Variants in SLC6A17 observed in about 807,000 individuals in gnomAD.
SLC6A17 encodes the protein sodium-dependent neutral amino acid transporter SLC6A17.
In SLC6A17, 21 loss-of-function variants were observed where a neutral mutation model predicts 64.5. The observed-to-expected ratio is 0.33, with a 90% CI of 0.23 to 0.47. The LOEUF is 0.47. Ranked by LOEUF, SLC6A17 falls within the 20% of genes least tolerant of loss-of-function variation. SLC6A17 has a pLI of 1.00. For synonymous variants in SLC6A17, 372 were observed against 399.5 expected (o/e 0.93, Z 0.82); for missense variants, 682 against 963.2 (o/e 0.71, Z 3.86).
In SLC6A17 at chr1:110,166,831, C is replaced by T. The variant is rs748010481; in HGVS notation, c.-87-12C>T. ...GGTCAGATAATCCTTTACTGCTCAC[C>T]TGGTTTCCTAGGTCCCTGAATGAGA... On this transcript the variant is annotated splice_polypyrimidine_tract_variant and intron_variant, in intron 1 of 11. Coordinates refer to ENST00000331565, the MANE Select transcript of SLC6A17 (RefSeq NM_001010898.4). The T allele has an allele frequency of 2.1e-6, 3 of 1,446,774 alleles. No homozygotes were observed. The highest frequency in any genetic ancestry group is 2.8e-6 in the Non-Finnish European group (3 of 1,087,970). The allele number at this position is 1,446,774 out of a possible 1,614,324, so 89.6% of individuals were successfully genotyped here. A position where few individuals can be genotyped will look rare whatever the true frequency, so the allele number is the denominator to read the frequency against.
At chr1:110,173,158 A>G (rs1373283925) in intron 3 of SLC6A17, among the ~76,000 whole-genome samples, 2 of 152,244 alleles carry the variant, frequency 1.3e-5, no homozygotes, top group Non-Finnish European at 2.9e-5. Flanking sequence ...CCCAAGTAAA[A>G]GAAGTGGGTG....
Position 110,162,575 on chromosome 1 carries a change from C to T in SLC6A17, c.-87-4268C>T, listed in dbSNP as rs145665984. Among the ~76,000 whole-genome samples, 139 of 152,246 alleles carry T rather than the reference C, an allele frequency of 9.1e-4. 1 individual carries two copies. The highest frequency in any genetic ancestry group is 1.5e-3 in the Non-Finnish European group (102 of 68,020). ...CATGGGTACGGGAAGAGAGGAATCG[C>T]CCCTCTCAGGGTCCTTCTCTGATCC... is the stretch of plus-strand genomic sequence containing the variant. On this transcript the variant is annotated intron_variant, in intron 1 of 11. Transcript: ENST00000331565.
intron 1 of SLC6A17, among the ~76,000 whole-genome samples, chr1:110,153,540 T>TGTGTGTGTGTGC (rs1189989104): frequency 9.9e-5 from 15 of 151,860 alleles, no homozygotes; most frequent in Admixed American, 9.2e-4. Context: ...TGTGTGTGTG[T>TGTGTGTGTGTGC]GTGTGTGTGT....
At chr1:110,163,320 C>T (rs1655967533) in intron 1 of SLC6A17, among the ~76,000 whole-genome samples, 1 of 152,110 alleles carries the variant, frequency 6.6e-6, no homozygotes, top group African/African-American at 2.4e-5. Flanking sequence ...CACCTCCACT[C>T]CCATGGTCAG....
At chr1:110,187,129 C>A (rs1455865266) in intron 6 of SLC6A17, among the ~76,000 whole-genome samples, 1 of 151,308 alleles carries the variant, frequency 6.6e-6, no homozygotes, top group Non-Finnish European at 1.5e-5. Flanking sequence ...TAAAAAAAAA[C>A]AAAAACAAAA....
intron 6 of SLC6A17, 68 bp downstream of exon 6, chr1:110,176,807 CA>C: frequency 7.3e-7 from 1 of 1,369,866 alleles, no homozygotes; most frequent in Non-Finnish European, 1.0e-6. Context: ...CAGCTTCCTG[CA>C]ATTTCATGGA....
intron 1 of SLC6A17, among the ~76,000 whole-genome samples, chr1:110,160,900 C>CA (rs111240191): frequency 0.026 from 3,929 of 152,226 alleles, 173 homozygotes; most frequent in African/African-American, 0.088. Flanking sequence ...TGTAGGATGC[C>CA]AGCGGGGAAA....
intron 1 of SLC6A17, among the ~76,000 whole-genome samples, chr1:110,152,580 A>G (rs962335617): frequency 6.6e-6 from 1 of 152,160 alleles, no homozygotes; most frequent in Non-Finnish European, 1.5e-5. Context: ...CTCCTTGGGA[A>G]GGTGAGCAGG....
At chr1:110,190,274 T>A (rs1248125472) in intron 6 of SLC6A17, among the ~76,000 whole-genome samples, 2 of 152,212 alleles carry the variant, frequency 1.3e-5, no homozygotes, top group Non-Finnish European at 2.9e-5. Flanking sequence ...TATTTTGTGC[T>A]GGATGGGGGA....
At chr1:110,170,960 T>C (rs1656208639) in intron 2 of SLC6A17, among the ~76,000 whole-genome samples, 1 of 152,188 alleles carries the variant, frequency 6.6e-6, no homozygotes, top group Non-Finnish European at 1.5e-5. Flanking sequence ...CTACTGTTAC[T>C]CCACTGTCCC....
At chr1:110,176,927 G>A (rs1013738934) in intron 6 of SLC6A17, among the ~76,000 whole-genome samples, 188 bp downstream of exon 6, 4 of 152,222 alleles carry the variant, frequency 2.6e-5, no homozygotes, top group East Asian at 1.9e-4. Context: ...AAGGAGAGGC[G>A]TGTCACATCG....
intron 3 of SLC6A17, 64 bp from the exon 4 acceptor site, chr1:110,173,909 G>T: frequency 6.4e-7 from 1 of 1,551,346 alleles, no homozygotes. Flanking sequence ...GGCCTCGGGT[G>T]GAGCGTGGGG....
At chr1:110,185,205 G>A (rs1195702433) in intron 6 of SLC6A17, among the ~76,000 whole-genome samples, 3 of 152,240 alleles carry the variant, frequency 2.0e-5, no homozygotes, top group African/African-American at 7.2e-5. Flanking sequence ...GGCAAGATGG[G>A]GTGGACAGTG....
At chr1:110,164,471 C>T (rs1318994428) in intron 1 of SLC6A17, among the ~76,000 whole-genome samples, 1 of 152,216 alleles carries the variant, frequency 6.6e-6, no homozygotes, top group African/African-American at 2.4e-5. Flanking sequence ...GAGTCTGACC[C>T]TGTTGTCACC....
At chr1:110,167,300 C>A in intron 2 of SLC6A17, 85 bp downstream of exon 2, 1 of 1,487,724 alleles carries the variant, frequency 6.7e-7, no homozygotes, top group Non-Finnish European at 9.0e-7. Context: ...TTTGCTGAGG[C>A]AGAACTGGAG....
chr1:110,187,886 T>C (rs1656725830), intron 6 of SLC6A17, among the ~76,000 whole-genome samples: 1 of 152,254 alleles, frequency 6.6e-6, no homozygotes, highest in Non-Finnish European at 1.5e-5. Context: ...TGTTTTCTTC[T>C]CCTTTTCTAT....
intron 6 of SLC6A17, among the ~76,000 whole-genome samples, chr1:110,186,379 G>A (rs1031932053): frequency 1.7e-4 from 25 of 150,796 alleles, no homozygotes; most frequent in African/African-American, 5.1e-4. Flanking sequence ...TATGAATTTG[G>A]GTCTCACAGG....
chr1:110,184,204 G>A (rs773100746), intron 6 of SLC6A17, among the ~76,000 whole-genome samples: 14 of 152,144 alleles, frequency 9.2e-5, no homozygotes, highest in Middle Eastern at 3.4e-3. Context: ...TCCGCCTCCC[G>A]GGTTCAAACG....
intron 6 of SLC6A17, chr1:110,178,141 A>G (rs945660340): frequency 1.3e-5 from 2 of 152,206 alleles, no homozygotes; most frequent in African/African-American, 2.4e-5. Flanking sequence ...ACAGATTACA[A>G]CTGTATTTCT....
Sources: gnomAD v4.1 joint callset for allele counts (sites outside exome capture counted in the v4.1 genomes callset) on GRCh38, gnomAD v4.1.1 for gene constraint, MANE v1.5 for transcripts, NCBI Gene and HGNC (gene_info 2026-07-23, HGNC 2026-07-21) for gene names.